The following ANOS1 variants were observed in gnomAD, a reference collection of about 807,000 sequenced individuals.
ANOS1 encodes anosmin-1.
A neutral mutation model predicts 59.0 loss-of-function variants in ANOS1; 6 were observed. The ratio of observed to expected loss-of-function variants is 0.10; its 90% CI spans 0.06 to 0.20. The LOEUF (loss-of-function observed/expected upper bound fraction) is 0.20. Ranked by LOEUF, ANOS1 falls within the 10% of genes least tolerant of loss-of-function variation. The pLI is 1.00. For missense variants in ANOS1, 433 were observed against 542.3 expected (o/e 0.80, Z 2.00); for synonymous variants, 217 against 223.4 (o/e 0.97, Z 0.25).
rs763251400 is a variant in ANOS1, at chrX:8,623,588, T to G, written c.318+20A>C. The G allele has an allele frequency of 8.6e-7, 1 of 1,166,484 alleles. No individual in the cohort carries two copies. The highest frequency in any genetic ancestry group is 1.2e-6 in the Non-Finnish European group (1 of 855,670). Reference sequence around the variant, plus strand: ...TCAGATTTGGGTCAAGTGTTTTAAGTACCACTGACGTTCTCCTACCTCACA... The same window carrying G: ...TCAGATTTGGGTCAAGTGTTTTAAGGACCACTGACGTTCTCCTACCTCACA... On this transcript the variant is annotated intron_variant, in intron 3 of 13. Coordinates refer to ENST00000262648, the MANE Select transcript of ANOS1 (RefSeq NM_000216.4).
intron 2 of ANOS1, among the ~76,000 whole-genome samples, chrX:8,672,465 A>C (rs1488048598): frequency 2.6e-4 from 29 of 112,627 alleles, no homozygotes. Flanking sequence ...GTCGAACCAC[A>C]CAAGAGAGTT....
chrX:8,724,048 A>C (rs1191910904), intron 1 of ANOS1, among the ~76,000 whole-genome samples: 1 of 112,708 alleles, frequency 8.9e-6, no homozygotes, highest in Non-Finnish European at 1.9e-5. Context: ...AATTCAAGTA[A>C]CAGAAAATCT....
rs980744740 is a variant in ANOS1, at chrX:8,565,251, G to T, written c.1207+2981C>A. On this transcript the variant is annotated intron_variant, in intron 8 of 13. Coordinates refer to ENST00000262648, the MANE Select transcript of ANOS1 (RefSeq NM_000216.4). Reference sequence around the variant, plus strand: ...TATTGGAAGAACCAGGAGACTAAAAGACATGCTTATTTTATACAATAGATG... The same window carrying T: ...TATTGGAAGAACCAGGAGACTAAAATACATGCTTATTTTATACAATAGATG... 4.9e-4 allele frequency among the ~76,000 whole-genome samples: 55 copies of T among 112,339 alleles called. 2 individuals carry two copies. The highest frequency in any genetic ancestry group is 1.9e-4 in the Admixed American group (2 of 10,553).
intron 2 of ANOS1, among the ~76,000 whole-genome samples, chrX:8,663,383 AG>A (rs1376913739): frequency 8.9e-6 from 1 of 111,791 alleles, no homozygotes; most frequent in Non-Finnish European, 1.9e-5. Context: ...ATACAAAAAT[AG>A]GTAGCAGGGC....
At chrX:8,560,157 A>G (rs1041142523) in intron 8 of ANOS1, among the ~76,000 whole-genome samples, 1 of 111,300 alleles carries the variant, frequency 9.0e-6, no homozygotes, top group African/African-American at 3.3e-5. Context: ...TTCTTTGGAA[A>G]CAGGGTTTCC....
intron 2 of ANOS1, among the ~76,000 whole-genome samples, chrX:8,644,175 G>A (rs1487555231): frequency 9.0e-6 from 1 of 111,712 alleles, no homozygotes; most frequent in Non-Finnish European, 1.9e-5. Flanking sequence ...TTAGCTTGAC[G>A]AAAATACCGT....
At chrX:8,591,535 A>G (rs1443410015) in intron 4 of ANOS1, among the ~76,000 whole-genome samples, 2 of 112,202 alleles carry the variant, frequency 1.8e-5, no homozygotes, top group African/African-American at 3.2e-5. Flanking sequence ...GCATTCAAGG[A>G]CCAACAGCCT....
At chrX:8,649,408 T>C (rs1317044384) in intron 2 of ANOS1, among the ~76,000 whole-genome samples, 1 of 111,685 alleles carries the variant, frequency 9.0e-6, no homozygotes, top group Non-Finnish European at 1.9e-5. Context: ...CTTGAAGATA[T>C]GTCTCATCAT....
chrX:8,533,490 C>A (rs1416796718), intron 13 of ANOS1, among the ~76,000 whole-genome samples: 4 of 111,967 alleles, frequency 3.6e-5, no homozygotes, highest in African/African-American at 1.3e-4. Flanking sequence ...TATAAGCATA[C>A]CAAGTTATCA....
At chrX:8,683,848 C>A (rs1239557655) in intron 2 of ANOS1, among the ~76,000 whole-genome samples, 1 of 111,819 alleles carries the variant, frequency 8.9e-6, no homozygotes, top group African/African-American at 3.3e-5. Context: ...CAGGAGGTAA[C>A]CTCTCAGCAG....
rs141975837 is a variant in ANOS1, at chrX:8,547,465, G to A, written c.1354+6487C>T. 2.2e-4 allele frequency among the ~76,000 whole-genome samples: 25 copies of A among 111,865 alleles called. No homozygotes were observed. In the East Asian group the frequency reaches 2.8e-3, roughly 13 times the overall value. ...CTGTGAAAATTCCTCTGCACACAAC[G>A]TCAAAATCTCTCTGCTCTCAACTAC... is the stretch of plus-strand genomic sequence containing the variant. On this transcript the variant is annotated intron_variant, in intron 9 of 13. Transcript: ENST00000262648.
chrX:8,587,512 T>C (rs1297440959), intron 5 of ANOS1, among the ~76,000 whole-genome samples: 1 of 112,038 alleles, frequency 8.9e-6, no homozygotes, highest in Non-Finnish European at 1.9e-5. Context: ...GAGGAAAATG[T>C]GGTTCTTGGA....
At chrX:8,567,871 C>T (rs1301204861) in intron 8 of ANOS1, among the ~76,000 whole-genome samples, 1 of 112,007 alleles carries the variant, frequency 8.9e-6, no homozygotes, top group Admixed American at 9.4e-5. Context: ...GAAATAACAT[C>T]AAGTTATAAC....
chrX:8,679,918 T>C (rs910972177), intron 2 of ANOS1, among the ~76,000 whole-genome samples: 1 of 110,584 alleles, frequency 9.0e-6, no homozygotes, highest in East Asian at 2.8e-4. Context: ...CCCAGCACTT[T>C]GGGAGGCCCA....
At chrX:8,593,981 A>C (rs1930665017) in intron 4 of ANOS1, among the ~76,000 whole-genome samples, 1 of 111,870 alleles carries the variant, frequency 8.9e-6, no homozygotes, top group Non-Finnish European at 1.9e-5. Flanking sequence ...ATATCATAAC[A>C]CAACCATGCC....
rs756360027 is a variant in ANOS1, at chrX:8,587,821, G to A, written c.699C>T (p.Asp233=). Residue 233 remains aspartate, a synonymous_variant, in exon 5 of 14, where the codon GAC becomes GAT. Transcript: ENST00000262648. ...GGGCCACTGTCTGCCAGTGAGTGGC[G>A]TCATCTTCGCTAGGATGGATTCCAT... ...WNYGIHPSED[D]ATHWQTVAQT... The A allele has an allele frequency of 4.0e-5, 48 of 1,202,677 alleles. No homozygotes were observed. In the South Asian group the frequency reaches 5.6e-4, roughly 14 times the overall value.
chrX:8,680,327 A>G (rs1272741360), intron 2 of ANOS1, among the ~76,000 whole-genome samples: 1 of 108,876 alleles, frequency 9.2e-6, no homozygotes, highest in Non-Finnish European at 1.9e-5. Flanking sequence ...GTGTGTGTGT[A>G]TGGTGTGATT....
intron 2 of ANOS1, among the ~76,000 whole-genome samples, chrX:8,638,906 A>T (rs1221116810): frequency 1.8e-5 from 2 of 111,367 alleles, no homozygotes; most frequent in African/African-American, 6.5e-5. Context: ...TTAGAAGTAT[A>T]GCAGGCTTTA....
chrX:8,705,556 C>G (rs1184489324), intron 1 of ANOS1, among the ~76,000 whole-genome samples: 3 of 111,441 alleles, frequency 2.7e-5, no homozygotes, highest in African/African-American at 9.8e-5. Flanking sequence ...TGCCAATAAA[C>G]CCCCGATTAA....
Sources: gnomAD v4.1 joint callset for allele counts (sites outside exome capture counted in the v4.1 genomes callset) on GRCh38, gnomAD v4.1.1 for gene constraint, MANE v1.5 for transcripts, NCBI Gene and HGNC (gene_info 2026-07-23, HGNC 2026-07-21) for gene names.